DNAH3: variants seen among roughly 807,000 people sequenced by gnomAD.
The protein encoded by DNAH3 is axonemal beta dynein heavy chain 3.
DNAH3 carries 332 observed loss-of-function variants against 432.5 expected under a neutral mutation model. The ratio of observed to expected loss-of-function variants is 0.77; its 90% CI spans 0.70 to 0.84. The LOEUF (loss-of-function observed/expected upper bound fraction) is 0.84. DNAH3 is among the 40% of genes least tolerant of loss of function. The probability of loss-of-function intolerance (pLI) is 0.00; values close to 1 mark genes in which losing one functional copy is unlikely to be tolerated. For missense variants in DNAH3, 4,861 were observed against 5,114.0 expected (o/e 0.95, Z 1.51); for synonymous variants, 1,956 against 1,900.2 (o/e 1.03, Z -0.76).
In DNAH3 at chr16:20,983,924, G is replaced by A. The variant is rs116843474; in HGVS notation, c.7666-1010C>T. ...TGCCTGTAGTCCCATGTACTCAGGA[G>A]GCTGAGGTGAGAGGATCACTTGAGC... On this transcript the variant is annotated intron_variant, in intron 48 of 61. Coordinates refer to ENST00000261383, the Ensembl canonical transcript of DNAH3. 8.2e-3 allele frequency among the ~76,000 whole-genome samples: 1,253 copies of A among 151,906 alleles called. 4 individuals carry two copies. The highest frequency in any genetic ancestry group is 0.015 in the Non-Finnish European group (1,002 of 67,974).
At position 21,121,929 on chromosome 16, in the gene DNAH3, TA is replaced by T; in HGVS notation, c.1584+15del. On this transcript the variant is annotated intron_variant, in intron 10 of 61. Coordinates refer to ENST00000261383, the Ensembl canonical transcript of DNAH3. Reference sequence around the variant, plus strand: ...TGAAAAAATCATGCAAATGAATGATTAAGTGACTACTATACCTTGGGGATCC... The same window carrying T: ...TGAAAAAATCATGCAAATGAATGATTAGTGACTACTATACCTTGGGGATCC... The T allele has an allele frequency of 6.3e-7, 1 of 1,575,996 alleles. No individual in the cohort carries two copies.
At chr16:21,024,448 C>T in intron 39 of DNAH3, 148 bp downstream of exon 39, 2 of 579,798 alleles carry the variant, frequency 3.4e-6, no homozygotes, top group South Asian at 2.5e-5. Flanking sequence ...GGCAGGCAGC[C>T]AGGAAACAAG....
At chr16:21,019,788 C>T (rs1294794925) in exon 41 of DNAH3, 22 of 1,614,018 alleles carry the variant, frequency 1.4e-5, no homozygotes, top group Admixed American at 3.3e-5. Context: ...GAGAAACAGT[C>T]CTTGGAGCCA....
At chr16:20,959,610 A>C (rs866983626) in intron 53 of DNAH3, among the ~76,000 whole-genome samples, 111 of 137,638 alleles carry the variant, frequency 8.1e-4, no homozygotes, top group South Asian at 1.9e-3. Context: ...TCTCTATTTA[A>C]ACACACACAC....
Position 21,070,804 on chromosome 16 carries a change from A to C in DNAH3, c.3107T>G (p.Ile1036Ser), listed in dbSNP as rs143020555. 74 of 1,610,048 alleles carry C rather than the reference A, an allele frequency of 4.6e-5. No individual in the cohort carries two copies. In the African/African-American group the frequency reaches 9.5e-4, roughly 21 times the overall value. ...ATCAAGTAGCATTTGAATGTCATCA[A>C]TTGCACACAAGATGTTTGTATCCTG... is the stretch of plus-strand genomic sequence containing the variant. The change falls in exon 22 of 62, where the codon ATT (isoleucine) becomes AGT (serine). Residue 1036 changes from isoleucine to serine, a missense_variant. Physicochemically the swap from Ile to Ser is moderately radical, Grantham distance 142. Coordinates refer to ENST00000261383, the Ensembl canonical transcript of DNAH3.
intron 55 of DNAH3, among the ~76,000 whole-genome samples, chr16:20,954,400 A>G (rs141767625): frequency 0.014 from 2,106 of 148,652 alleles, 18 homozygotes; most frequent in Non-Finnish European, 0.022. Context: ...AGCCATTCTC[A>G]TGCCTCAGCT....
chr16:20,952,605 C>T, intron 55 of DNAH3, 56 bp from the exon 56 acceptor site: 1 of 1,136,960 alleles, frequency 8.8e-7, no homozygotes, highest in Non-Finnish European at 1.3e-6. Flanking sequence ...AATTTCCACT[C>T]AAAGACCAAG....
Position 20,969,789 on chromosome 16 carries a change from T to C in DNAH3, c.8458+3A>G, listed in dbSNP as rs2085250828. On this transcript the variant is annotated splice_donor_region_variant and intron_variant, in intron 52 of 61. Coordinates refer to ENST00000261383, the Ensembl canonical transcript of DNAH3. ...GCAGGCATCTGGGTGGGGTGGCACT[T>C]ACCGGAGCCACTGGGGTCTGGCTTC... The C allele has an allele frequency of 6.2e-7, 1 of 1,614,058 alleles. No individual in the cohort carries two copies. The highest frequency in any genetic ancestry group is 2.2e-5 in the East Asian group (1 of 44,870).
rs373412431 is a variant in DNAH3, at chr16:21,113,244, T to C, written c.1815-1146A>G. Reference sequence around the variant, plus strand: ...GTTGTGGGAGGGACCCAGGGGGAGGTAGTTGAATCATAGGGCTGGTTTTTT... The same window carrying C: ...GTTGTGGGAGGGACCCAGGGGGAGGCAGTTGAATCATAGGGCTGGTTTTTT... On this transcript the variant is annotated intron_variant, in intron 12 of 61. Transcript: ENST00000261383. 2.8e-4 allele frequency among the ~76,000 whole-genome samples: 43 copies of C among 152,038 alleles called. 1 individual carries two copies. In the South Asian group the frequency reaches 4.8e-3, roughly 17 times the overall value.
chr16:21,120,692 T>C, intron 11 of DNAH3: 3 of 1,420,380 alleles, frequency 2.1e-6, no homozygotes, highest in Non-Finnish European at 3.0e-6. Flanking sequence ...GTACAAACCA[T>C]GTCTTCTTGG....
Position 20,987,930 on chromosome 16 carries a change from GA to G in DNAH3, c.6725+11del, listed in dbSNP as rs775292906. The G allele has an allele frequency of 6.2e-7, 1 of 1,614,176 alleles. No homozygotes were observed. Among genetic ancestry groups the G allele is most frequent in the East Asian group, 2.2e-5 (1 of 44,884 alleles). ...CCAGCCCACTATCCAGGAAGACAGA[GA>G]AACCTCTTACCTTAAAAACATCACA... On this transcript the variant is annotated intron_variant, in intron 45 of 61. Coordinates refer to ENST00000261383, the Ensembl canonical transcript of DNAH3.
exon 41 of DNAH3, chr16:21,019,727 C>G: frequency 1.2e-6 from 2 of 1,614,162 alleles, no homozygotes; most frequent in Non-Finnish European, 1.7e-6. Flanking sequence ...CATCAAATTT[C>G]TTTCTGCTGT....
chr16:21,080,212 A>C (rs1276474352), intron 20 of DNAH3, among the ~76,000 whole-genome samples: 1 of 152,118 alleles, frequency 6.6e-6, no homozygotes, highest in Non-Finnish European at 1.5e-5. Context: ...CAGGAGAATC[A>C]CTTGAACCTG....
chr16:21,115,989 A>G (rs1384118412), intron 12 of DNAH3, among the ~76,000 whole-genome samples: 1 of 152,110 alleles, frequency 6.6e-6, no homozygotes, highest in Non-Finnish European at 1.5e-5. Flanking sequence ...GCCGGCATGC[A>G]TAATTCCTAC....
intron 42 of DNAH3, among the ~76,000 whole-genome samples, chr16:21,001,762 C>T (rs996679480): frequency 2.0e-5 from 3 of 152,068 alleles, no homozygotes; most frequent in Non-Finnish European, 4.4e-5. Context: ...AGCCATATAG[C>T]CAGCAAGTGA....
chr16:21,143,386 T>C (rs1265671030), intron 3 of DNAH3, among the ~76,000 whole-genome samples: 2 of 152,152 alleles, frequency 1.3e-5, no homozygotes, highest in African/African-American at 4.8e-5. Context: ...CCTTCTCCCA[T>C]GTGAGCATGC....
At chr16:21,154,130 G>A (rs1234766404) in intron 1 of DNAH3, among the ~76,000 whole-genome samples, 14 of 152,208 alleles carry the variant, frequency 9.2e-5, no homozygotes, top group African/African-American at 3.4e-4. Context: ...GGGGCCAGGC[G>A]CGGTGGCCCA....
chr16:21,104,404 A>G (rs1272534268), intron 16 of DNAH3, 67 bp downstream of exon 16: 4 of 1,420,064 alleles, frequency 2.8e-6, no homozygotes, highest in South Asian at 2.3e-5. Context: ...AGACAGAACC[A>G]GGAACCTGCA....
chr16:21,034,092 G>A lies in DNAH3; in HGVS notation c.5086-7C>T, dbSNP rs1336972464. On this transcript the variant is annotated splice_polypyrimidine_tract_variant and splice_region_variant and intron_variant, in intron 35 of 61. Coordinates refer to ENST00000261383, the Ensembl canonical transcript of DNAH3. ...CCAGCATCATTTCGTAGATCTGGGAGGAGACATCATTCATAAAAGAAGCTA... is the reference window on the plus strand; with the variant it reads ...CCAGCATCATTTCGTAGATCTGGGAAGAGACATCATTCATAAAAGAAGCTA... The A allele has an allele frequency of 1.3e-6, 2 of 1,580,290 alleles. No homozygotes were observed. The highest frequency in any genetic ancestry group is 2.7e-5 in the African/African-American group (2 of 74,282).
Sources: allele counts gnomAD v4.1 joint callset (sites outside exome capture counted in the v4.1 genomes callset), GRCh38; gene constraint gnomAD v4.1.1; transcripts MANE v1.5; gene names NCBI Gene and HGNC (gene_info 2026-07-23, HGNC 2026-07-21).